SLTM: variants seen among roughly 807,000 people sequenced by gnomAD.
SLTM encodes the protein SAFB like transcription modulator.
Under a neutral mutation model 134.6 loss-of-function variants are expected in SLTM, and 43 were observed. The ratio of observed to expected loss-of-function variants is 0.32; its 90% CI spans 0.25 to 0.41. The LOEUF is 0.41. Among genes scored for constraint, SLTM ranks in the 10% least tolerant of loss-of-function variants. SLTM has a pLI of 1.00. For synonymous variants in SLTM, 424 were observed against 432.3 expected (o/e 0.98, Z 0.24); for missense variants, 1,055 against 1,288.8 (o/e 0.82, Z 2.78).
intron 2 of SLTM, among the ~76,000 whole-genome samples, chr15:58,921,984 A>G (rs766082621): frequency 2.0e-5 from 3 of 152,126 alleles, no homozygotes; most frequent in Non-Finnish European, 4.4e-5. Context: ...CATGTTGACC[A>G]GGCTAGTCTC....
At chr15:58,920,305 A>C (rs2036935994) in intron 2 of SLTM, among the ~76,000 whole-genome samples, 1 of 151,872 alleles carries the variant, frequency 6.6e-6, no homozygotes, top group Non-Finnish European at 1.5e-5. Flanking sequence ...TGAGAGACAG[A>C]GCGACACTCT....
At chr15:58,913,798 T>A in intron 3 of SLTM, 102 bp from the exon 4 acceptor site, 1 of 839,634 alleles carries the variant, frequency 1.2e-6, no homozygotes, top group East Asian at 2.5e-5. Flanking sequence ...TCAAATTTGA[T>A]CATATTTTAA....
chr15:58,903,125 C>T (rs543213568), intron 5 of SLTM, among the ~76,000 whole-genome samples: 1 of 152,248 alleles, frequency 6.6e-6, no homozygotes, highest in Non-Finnish European at 1.5e-5. Context: ...CAGTCTCGAT[C>T]TCCTGACCTC....
intron 3 of SLTM, among the ~76,000 whole-genome samples, chr15:58,915,534 T>C (rs2036572837): frequency 6.6e-6 from 1 of 152,090 alleles, no homozygotes; most frequent in South Asian, 2.1e-4. Context: ...GGAACAAACC[T>C]GATGGAAGAT....
rs1297157629 is a variant in SLTM, at chr15:58,899,324, TA to T, written c.1058+144del. ...TGAAGATCTTGAAAATTTTTAAAAG[TA>T]ACTTATGACGGTCAAAAATATTATA... is the stretch of plus-strand genomic sequence containing the variant. On this transcript the variant is annotated intron_variant, in intron 7 of 20. Coordinates refer to ENST00000380516, the MANE Select transcript of SLTM (RefSeq NM_024755.4). The surrounding 1 kb of genome is among the most constrained non-coding windows in gnomAD (Gnocchi z 5.0). 1.5e-6 allele frequency: 1 copy of T among 671,388 alleles called. No homozygotes were observed. The highest frequency in any genetic ancestry group is 2.5e-6 in the Non-Finnish European group (1 of 402,998). 41.6% of individuals were successfully genotyped at this position (671,388 alleles called of 1,614,324 possible).
intron 2 of SLTM, among the ~76,000 whole-genome samples, chr15:58,920,650 TA>T (rs1300095959): frequency 6.7e-6 from 1 of 148,152 alleles, no homozygotes; most frequent in South Asian, 2.1e-4. Flanking sequence ...AATAAATAAA[TA>T]AATAAATAAA....
chr15:58,933,541 C>G lies in SLTM; in HGVS notation c.25G>C (p.Ala9Pro), dbSNP rs1222801550. 3 of 1,595,000 alleles carry G rather than the reference C, an allele frequency of 1.9e-6. No homozygotes were observed. The highest frequency in any genetic ancestry group is 1.7e-6 in the Non-Finnish European group (2 of 1,172,120). MAAATGAV[A>P]ASAASGQAEG... ...GCCTGACCCGAGGCGGCCGAGGCTG[C>G]CACCGCACCGGTAGCGGCAGCCATC... The change falls in exon 1 of 21, where the codon GCA becomes CCA. Residue 9 changes from alanine (A) to proline (P), a missense_variant. Ala to Pro is a conservative substitution (Grantham distance 27, BLOSUM62 -1). Transcript: ENST00000380516.
chr15:58,903,721 A>AG (rs2035659868), intron 5 of SLTM, among the ~76,000 whole-genome samples: 2 of 151,988 alleles, frequency 1.3e-5, no homozygotes, highest in Non-Finnish European at 2.9e-5. Context: ...AATGGAAAAA[A>AG]AAAAAGAATG....
At chr15:58,909,551 T>G (rs1344681663) in intron 5 of SLTM, among the ~76,000 whole-genome samples, 2 of 152,172 alleles carry the variant, frequency 1.3e-5, no homozygotes, top group African/African-American at 4.8e-5. Context: ...ATGATAGAAT[T>G]AGAATAGCAT....
At position 58,892,761 on chromosome 15, in the gene SLTM, AT is replaced by A. The variant is rs2034767378; in HGVS notation, c.1898+135del. The A allele has an allele frequency of 4.6e-6, 4 of 864,004 alleles. No individual in the cohort carries two copies. The Admixed American group carries it at 7.6e-5, about 16-fold the overall frequency. The allele number at this position is 864,004 out of a possible 1,614,324, so 53.5% of individuals were successfully genotyped here. A position where few individuals can be genotyped will look rare whatever the true frequency, so the allele number is the denominator to read the frequency against. ...AAGTGCTATGCAAACTTAAGAAATC[AT>A]TAGATGCTACCGTAACTTCTTTAAG... is the stretch of plus-strand genomic sequence containing the variant. On this transcript the variant is annotated intron_variant, in intron 14 of 20. Coordinates refer to ENST00000380516, the MANE Select transcript of SLTM (RefSeq NM_024755.4).
chr15:58,914,251 T>A (rs2036479180), intron 3 of SLTM, among the ~76,000 whole-genome samples: 1 of 152,232 alleles, frequency 6.6e-6, no homozygotes, highest in African/African-American at 2.4e-5. Flanking sequence ...CCTTCAAAGT[T>A]TATGAATATA....
chr15:58,929,287 A>G (rs984900555), intron 2 of SLTM, among the ~76,000 whole-genome samples: 8 of 152,132 alleles, frequency 5.3e-5, no homozygotes, highest in Non-Finnish European at 8.8e-5. Flanking sequence ...CGTCTCTACT[A>G]AAAATACAAA....
chr15:58,891,369 C>T (rs2034631495), intron 14 of SLTM, among the ~76,000 whole-genome samples: 1 of 152,168 alleles, frequency 6.6e-6, no homozygotes, highest in Non-Finnish European at 1.5e-5. Flanking sequence ...TAAAAACAAC[C>T]AAACACCTTA....
intron 16 of SLTM, 183 bp from the exon 17 acceptor site, chr15:58,888,738 T>C: frequency 4.2e-6 from 2 of 476,872 alleles, no homozygotes; most frequent in South Asian, 4.6e-5. Flanking sequence ...TAAAGTCAAA[T>C]AGTGTGAGAG....
At chr15:58,917,357 A>G (rs2036721392) in intron 2 of SLTM, among the ~76,000 whole-genome samples, 1 of 152,178 alleles carries the variant, frequency 6.6e-6, no homozygotes, top group Admixed American at 6.5e-5. Context: ...GACACCTGAT[A>G]GCTAAGTACA....
At chr15:58,884,038 G>A (rs1018174611) in intron 19 of SLTM, among the ~76,000 whole-genome samples, 1 of 151,464 alleles carries the variant, frequency 6.6e-6, no homozygotes, top group Non-Finnish European at 1.5e-5. Flanking sequence ...GGCAGAGGTT[G>A]CAGTGAGCTG....
intron 2 of SLTM, among the ~76,000 whole-genome samples, chr15:58,925,445 C>T (rs1457595476): frequency 6.6e-6 from 1 of 152,170 alleles, no homozygotes; most frequent in Non-Finnish European, 1.5e-5. Context: ...TCAAGTGACT[C>T]TCCTGCCTCA....
At chr15:58,910,202 A>C (rs1450859696) in intron 5 of SLTM, among the ~76,000 whole-genome samples, 1 of 152,222 alleles carries the variant, frequency 6.6e-6, no homozygotes, top group Non-Finnish European at 1.5e-5. Flanking sequence ...AGAAGGGAGA[A>C]AGTAAACAGA....
In SLTM at chr15:58,899,152, C is replaced by G. The variant is rs2035297672; in HGVS notation, c.1059-300G>C. Reference sequence around the variant, plus strand: ...TGTGTTCTTAGAACTGATAGTTGTTCATTAACCATCATCACAAGGATTTTA... The same window carrying G: ...TGTGTTCTTAGAACTGATAGTTGTTGATTAACCATCATCACAAGGATTTTA... On this transcript the variant is annotated intron_variant, in intron 7 of 20. Transcript: ENST00000380516. This position sits in a 1 kb window ranked among gnomAD's most constrained non-coding sequence, Gnocchi z 5.0. The G allele has an allele frequency of 4.3e-5, 17 of 398,318 alleles. No homozygotes were observed. In the South Asian group the frequency reaches 7.4e-4, roughly 17 times the overall value. The allele number at this position is 398,318 out of a possible 1,614,324, so 24.7% of individuals were successfully genotyped here.
Sources: gnomAD v4.1 joint callset for allele counts (sites outside exome capture counted in the v4.1 genomes callset) on GRCh38, gnomAD v4.1.1 for gene constraint, Gnocchi (gnomAD v3.1) non-coding constraint, MANE v1.5 for transcripts, NCBI Gene and HGNC (gene_info 2026-07-23, HGNC 2026-07-21) for gene names.